VAMP5: variants seen among roughly 807,000 people sequenced by gnomAD.
VAMP5 encodes vesicle associated membrane protein 5, also known as vesicle-associated membrane protein 5.
A neutral mutation model predicts 8.1 loss-of-function variants in VAMP5; 10 were observed. That is an observed-to-expected ratio of 1.23 (90% CI 0.76 to 2.09). The LOEUF is 2.09. Ranked by LOEUF, VAMP5 falls within the 30% of genes most tolerant of loss-of-function variation. The probability of loss-of-function intolerance (pLI) is 0.00; values close to 1 mark genes in which losing one functional copy is unlikely to be tolerated. For missense variants in VAMP5, 135 were observed against 152.5 expected, an observed-to-expected ratio of 0.89 and a Z score of 0.60; for synonymous variants, 62 against 60.6, an observed-to-expected ratio of 1.02 and a Z score of -0.11.
Position 85,593,063 on chromosome 2 carries a change from T to G in VAMP5, c.257T>G (p.Ile86Ser). The change falls in exon 3 of 3, where the codon ATT becomes AGT. Residue 86 changes from isoleucine (I) to serine (S), a missense_variant. By Grantham distance (142) the Ile-to-Ser change is moderately radical. Transcript: ENST00000306384. ...GTTGGTGTCCTGCTCATCATCCTGA[T>G]TGTGCTGCTGGTCGTCTTTCTCCCT... ...VVVGVLLIIL[I>S]VLLVVFLPQS... 6.2e-7 allele frequency: 1 copy of G among 1,614,212 alleles called. No individual in the cohort carries two copies. Among genetic ancestry groups the G allele is most frequent in the Non-Finnish European group, 8.5e-7 (1 of 1,180,026 alleles).
At chr2:85,587,222 A>G (rs1287853252) in intron 1 of VAMP5, among the ~76,000 whole-genome samples, 2 of 152,062 alleles carry the variant, frequency 1.3e-5, no homozygotes, top group Non-Finnish European at 2.9e-5. Flanking sequence ...TGTGCATTTT[A>G]TAAAACGAAG....
At chr2:85,585,867 T>G (rs1039901413) in intron 1 of VAMP5, among the ~76,000 whole-genome samples, 3 of 152,230 alleles carry the variant, frequency 2.0e-5, no homozygotes, top group Non-Finnish European at 4.4e-5. Context: ...CCTTTCACTT[T>G]TCTTTTCTTC....
intron 1 of VAMP5, among the ~76,000 whole-genome samples, chr2:85,584,811 T>A (rs535376868): frequency 6.6e-6 from 1 of 152,354 alleles, no homozygotes; most frequent in Non-Finnish European, 1.5e-5. Context: ...CCCAGCTCTG[T>A]GACCCGGGAC....
At chr2:85,591,939 A>C in intron 2 of VAMP5, 77 bp downstream of exon 2, 1 of 1,587,094 alleles carries the variant, frequency 6.3e-7, no homozygotes, top group South Asian at 1.1e-5. Context: ...CAGGATCTCC[A>C]GTTCCTTGGT....
At chr2:85,590,653 A>G (rs890213489) in intron 1 of VAMP5, among the ~76,000 whole-genome samples, 1 of 152,206 alleles carries the variant, frequency 6.6e-6, no homozygotes, top group Non-Finnish European at 1.5e-5. Flanking sequence ...GCTGGCAGGA[A>G]AAGAAGCTTG....
chr2:85,590,533 G>A (rs1055553535), intron 1 of VAMP5, among the ~76,000 whole-genome samples: 1 of 152,156 alleles, frequency 6.6e-6, no homozygotes, highest in African/African-American at 2.4e-5. Context: ...TGGCTGAGTG[G>A]GAGGTAGCCC....
At chr2:85,590,422 C>T (rs1445681269) in intron 1 of VAMP5, among the ~76,000 whole-genome samples, 1 of 152,184 alleles carries the variant, frequency 6.6e-6, no homozygotes, top group Admixed American at 6.5e-5. Context: ...CCTGCCCTCC[C>T]TCTGGGAGTT....
intron 2 of VAMP5, 142 bp downstream of exon 2, chr2:85,592,004 C>G: frequency 7.8e-7 from 1 of 1,281,506 alleles, no homozygotes; most frequent in Non-Finnish European, 1.1e-6. Flanking sequence ...CCTCAGGCAC[C>G]CATAGCCTAG....
In VAMP5 at chr2:85,593,263, G is replaced by A; in HGVS notation, c.*106G>A. 1 of 1,236,286 alleles carries A rather than the reference G, an allele frequency of 8.1e-7. No individual in the cohort carries two copies. Among genetic ancestry groups the A allele is most frequent in the Non-Finnish European group, 1.1e-6 (1 of 872,636 alleles). The allele number at this position is 1,236,286 out of a possible 1,614,324, so 76.6% of individuals were successfully genotyped here. A position where few individuals can be genotyped will look rare whatever the true frequency, so the allele number is the denominator to read the frequency against. ...TTGACCCACCCCAGTGAGTGCCAAA[G>A]GGCAGCCCCAACATGTGCACCCCTG... On this transcript the variant is annotated 3_prime_UTR_variant, in exon 3 of 3. Coordinates refer to ENST00000306384, the MANE Select transcript of VAMP5 (RefSeq NM_006634.3).
chr2:85,593,400 A>T lies in VAMP5; in HGVS notation c.*243A>T. On this transcript the variant is annotated 3_prime_UTR_variant, in exon 3 of 3. Coordinates refer to ENST00000306384, the MANE Select transcript of VAMP5 (RefSeq NM_006634.3). ...AACTGCTGTTTGATTAAAAGCTGGT[A>T]TCTGTGTGTGAAGGTCCCCAGGTTG... is the stretch of plus-strand genomic sequence containing the variant. 1.8e-6 allele frequency: 1 copy of T among 554,354 alleles called. No individual in the cohort carries two copies. The allele number at this position is 554,354 out of a possible 1,614,324, so 34.3% of individuals were successfully genotyped here. A position where few individuals can be genotyped will look rare whatever the true frequency, so the allele number is the denominator to read the frequency against.
rs148977132 is a variant in VAMP5 at position 85,591,783 on chromosome 2, G to A, written c.62G>A (p.Arg21His). The A allele has an allele frequency of 1.2e-5, 19 of 1,614,038 alleles. No homozygotes were observed. The highest frequency in any genetic ancestry group is 2.2e-5 in the East Asian group (1 of 44,890). Residue 21 changes from arginine (R) to histidine (H), a missense_variant, in exon 2 of 3, where the codon CGT becomes CAT. Physicochemically the swap from Arg to His is conservative, Grantham distance 29. Coordinates refer to ENST00000306384, the MANE Select transcript of VAMP5 (RefSeq NM_006634.3). ...QQANEVTEIM[R>H]NNFGKVLERG... ...GCGAACGAGGTGACGGAAATTATGCGTAACAACTTCGGCAAGGTCCTGGAG... is the reference window on the plus strand; with the variant it reads ...GCGAACGAGGTGACGGAAATTATGCATAACAACTTCGGCAAGGTCCTGGAG...
Position 85,593,266 on chromosome 2 carries a change from C to G in VAMP5, c.*109C>G. 8.5e-7 allele frequency: 1 copy of G among 1,170,828 alleles called. No homozygotes were observed. The highest frequency in any genetic ancestry group is 1.3e-5 in the South Asian group (1 of 75,030). The allele number at this position is 1,170,828 out of a possible 1,614,324, so 72.5% of individuals were successfully genotyped here. A position where few individuals can be genotyped will look rare whatever the true frequency, so the allele number is the denominator to read the frequency against. The stretch of plus-strand genomic sequence containing the variant: ...ACCCACCCCAGTGAGTGCCAAAGGG[C>G]AGCCCCAACATGTGCACCCCTGCAT... On this transcript the variant is annotated 3_prime_UTR_variant, in exon 3 of 3. Transcript: ENST00000306384.
At chr2:85,591,645 A>G in intron 1 of VAMP5, 80 bp from the exon 2 acceptor site, 1 of 1,594,878 alleles carries the variant, frequency 6.3e-7, no homozygotes, top group East Asian at 2.2e-5. Context: ...ACAGGGGGAG[A>G]AGGAGGCTTC....
intron 1 of VAMP5, among the ~76,000 whole-genome samples, chr2:85,586,718 G>T (rs1275697175): frequency 2.0e-5 from 3 of 152,000 alleles, no homozygotes; most frequent in African/African-American, 7.3e-5. Context: ...CCCATTGGAT[G>T]GTGGCTGTTA....
At position 85,592,962 on chromosome 2, in the gene VAMP5, C is replaced by A. The variant is rs1672567823; in HGVS notation, c.156C>A (p.Asn52Lys). 6.2e-7 allele frequency: 1 copy of A among 1,613,996 alleles called. No individual in the cohort carries two copies. Among genetic ancestry groups the A allele is most frequent in the Non-Finnish European group, 8.5e-7 (1 of 1,180,028 alleles). The part of the protein sequence containing the change: ...DQLLDMSSTF[N>K]KTTQNLAQKK... ...GGTATCCGCAGAGCTCAACCTTCAACAAGACTACACAGAACCTGGCCCAGA... is the reference window on the plus strand; with the variant it reads ...GGTATCCGCAGAGCTCAACCTTCAAAAAGACTACACAGAACCTGGCCCAGA... The change falls in exon 3 of 3, where the codon AAC (asparagine) becomes AAA (lysine). Residue 52 changes from asparagine to lysine, a missense_variant. Physicochemically the swap from Asn to Lys is moderately conservative, Grantham distance 94 (BLOSUM62 0). Transcript: ENST00000306384.
intron 1 of VAMP5, among the ~76,000 whole-genome samples, chr2:85,586,684 A>T (rs920902201): frequency 4.6e-5 from 7 of 152,218 alleles, no homozygotes; most frequent in Non-Finnish European, 5.9e-5. Flanking sequence ...AGCAAGCAGC[A>T]TAGTGCCTAC....
intron 1 of VAMP5, among the ~76,000 whole-genome samples, chr2:85,588,644 T>C (rs1036427259): frequency 6.6e-6 from 1 of 152,204 alleles, no homozygotes; most frequent in Admixed American, 6.5e-5. Context: ...AGAGAAATTA[T>C]CCTGAAGCAC....
intron 1 of VAMP5, among the ~76,000 whole-genome samples, chr2:85,589,566 T>C (rs1455571856): frequency 6.6e-6 from 1 of 152,172 alleles, no homozygotes; most frequent in Non-Finnish European, 1.5e-5. Context: ...AAAGATAATA[T>C]CCAGCATTTT....
At chr2:85,588,637 G>T (rs1424031400) in intron 1 of VAMP5, among the ~76,000 whole-genome samples, 2 of 152,160 alleles carry the variant, frequency 1.3e-5, no homozygotes, top group Non-Finnish European at 2.9e-5. Context: ...CACCAATAGA[G>T]AAATTATCCT....
Sources: allele counts gnomAD v4.1 joint callset (sites outside exome capture counted in the v4.1 genomes callset), GRCh38; gene constraint gnomAD v4.1.1; transcripts MANE v1.5; gene names NCBI Gene and HGNC (gene_info 2026-07-23, HGNC 2026-07-21).